GOLM1: variants seen among roughly 807,000 people sequenced by gnomAD.
GOLM1 encodes golgi membrane protein 1.
In GOLM1, 31 loss-of-function variants were observed where a neutral mutation model predicts 50.5. The ratio of observed to expected loss-of-function variants is 0.61; its 90% CI spans 0.46 to 0.83. The LOEUF is 0.83. Ranked by LOEUF, GOLM1 falls within the 40% of genes least tolerant of loss-of-function variation. The probability of loss-of-function intolerance (pLI) is 0.00; values close to 1 mark genes in which losing one functional copy is unlikely to be tolerated. For missense variants in GOLM1, 491 were observed against 501.3 expected, an observed-to-expected ratio of 0.98 and a Z score of 0.20; for synonymous variants, 178 against 192.8, an observed-to-expected ratio of 0.92 and a Z score of 0.64.
At chr9:86,087,756 T>C (rs1236452237) in intron 1 of GOLM1, among the ~76,000 whole-genome samples, 2 of 152,240 alleles carry the variant, frequency 1.3e-5, no homozygotes, top group African/African-American at 2.4e-5. Flanking sequence ...CTAATTCATA[T>C]GTTGAACCAG....
intron 7 of GOLM1, among the ~76,000 whole-genome samples, chr9:86,035,915 T>C (rs1427940011): frequency 6.2e-5 from 9 of 146,030 alleles, no homozygotes. Context: ...CTAAATTACC[T>C]TGACAAGGTA....
chr9:86,091,945 G>A (rs983518672), intron 1 of GOLM1, among the ~76,000 whole-genome samples: 1 of 152,178 alleles, frequency 6.6e-6, no homozygotes, highest in African/African-American at 2.4e-5. Context: ...GCTCAGGGTG[G>A]TATTAAGAGC....
chr9:86,064,229 A>C (rs145867463), intron 3 of GOLM1, among the ~76,000 whole-genome samples: 498 of 152,370 alleles, frequency 3.3e-3, no homozygotes, highest in African/African-American at 0.011. Flanking sequence ...ATAAACCTGT[A>C]TTTGAAGGTT....
Position 86,029,978 on chromosome 9 carries a change from G to A in GOLM1, c.1130-2085C>T, listed in dbSNP as rs1347724780. ...TGTAATCCCAACACTTTGGGAGGCT[G>A]AGGCAGGCAGATCACCTGAGGTCAG... is the stretch of plus-strand genomic sequence containing the variant. On this transcript the variant is annotated intron_variant, in intron 9 of 9. Coordinates refer to ENST00000388712, the MANE Select transcript of GOLM1 (RefSeq NM_016548.4). Among the ~76,000 whole-genome samples the A allele has an allele frequency of 3.3e-5, 5 of 152,298 alleles. No individual in the cohort carries two copies. In the East Asian group the frequency reaches 7.7e-4, roughly 23 times the overall value.
chr9:86,081,572 A>G (rs1834785564), intron 1 of GOLM1, among the ~76,000 whole-genome samples: 1 of 152,148 alleles, frequency 6.6e-6, no homozygotes, highest in African/African-American at 2.4e-5. Context: ...TTTGCTAAGG[A>G]AAAAATAGGA....
chr9:86,054,937 C>A (rs1402554223), intron 3 of GOLM1, among the ~76,000 whole-genome samples: 1 of 152,204 alleles, frequency 6.6e-6, no homozygotes, highest in Admixed American at 6.5e-5. Context: ...ACTTGACATG[C>A]TGCCCATAAC....
intron 3 of GOLM1, among the ~76,000 whole-genome samples, chr9:86,054,112 G>A (rs1220553029): frequency 6.6e-6 from 1 of 152,144 alleles, no homozygotes; most frequent in Admixed American, 6.5e-5. Context: ...AACAGTAGAG[G>A]AGGACAGAAG....
intron 8 of GOLM1, among the ~76,000 whole-genome samples, chr9:86,034,490 C>T (rs946520446): frequency 5.3e-5 from 8 of 152,112 alleles, no homozygotes; most frequent in South Asian, 2.1e-4. Flanking sequence ...GACACTGGAG[C>T]GCCACAGGCT....
intron 5 of GOLM1, among the ~76,000 whole-genome samples, chr9:86,044,894 G>A (rs1175554755): frequency 6.6e-6 from 1 of 151,944 alleles, no homozygotes; most frequent in Admixed American, 6.6e-5. Flanking sequence ...AGAGGTTGCA[G>A]TGAGCTGAGA....
chr9:86,029,092 C>A (rs1345139737), intron 9 of GOLM1, among the ~76,000 whole-genome samples: 2 of 152,022 alleles, frequency 1.3e-5, no homozygotes, highest in African/African-American at 4.8e-5. Flanking sequence ...CTCCTGACCT[C>A]GTGATCCGCC....
chr9:86,077,752 G>C, intron 2 of GOLM1, 161 bp from the exon 3 acceptor site: 1 of 585,364 alleles, frequency 1.7e-6, no homozygotes, highest in Non-Finnish European at 3.0e-6. Context: ...ACAGAAGCTG[G>C]AGCGGTTTCT....
intron 3 of GOLM1, among the ~76,000 whole-genome samples, chr9:86,057,814 G>A (rs1163853769): frequency 1.3e-5 from 2 of 152,204 alleles, no homozygotes; most frequent in African/African-American, 2.4e-5. Flanking sequence ...GCTCTGTCCC[G>A]AGAGGGCCAG....
At chr9:86,035,817 G>A (rs544460033) in intron 7 of GOLM1, among the ~76,000 whole-genome samples, 192 bp from the exon 8 acceptor site, 1 of 143,002 alleles carries the variant, frequency 7.0e-6, no homozygotes, top group African/African-American at 2.7e-5. Context: ...AGGCCTTTCT[G>A]TGCCTGCAGC....
chr9:86,076,334 T>C (rs915057993), intron 3 of GOLM1, among the ~76,000 whole-genome samples: 1 of 140,668 alleles, frequency 7.1e-6, no homozygotes, highest in African/African-American at 2.8e-5. Flanking sequence ...GGCAGGAGAA[T>C]TGCTTGAACC....
chr9:86,074,903 CA>C (rs1416563736), intron 3 of GOLM1, among the ~76,000 whole-genome samples: 1 of 151,856 alleles, frequency 6.6e-6, no homozygotes, highest in Non-Finnish European at 1.5e-5. Flanking sequence ...TTCATGGTTT[CA>C]ATTTGGGAGG....
At chr9:86,081,737 A>G (rs1834790770) in intron 1 of GOLM1, among the ~76,000 whole-genome samples, 1 of 151,558 alleles carries the variant, frequency 6.6e-6, no homozygotes, top group South Asian at 2.1e-4. Context: ...TAAAAATACA[A>G]AAGCAGCCAG....
At chr9:86,042,098 C>A (rs935754718) in intron 5 of GOLM1, among the ~76,000 whole-genome samples, 18 of 152,134 alleles carry the variant, frequency 1.2e-4, no homozygotes, top group Admixed American at 2.0e-4. Flanking sequence ...GCCTGGGCGA[C>A]AGAGCGAGAC....
At position 86,027,457 on chromosome 9, in the gene GOLM1, A is replaced by ATGGAC; in HGVS notation, c.*355_*359dup. 6.7e-6 allele frequency: 7 copies of ATGGAC among 1,042,918 alleles called. No individual in the cohort carries two copies. The highest frequency in any genetic ancestry group is 8.1e-6 in the Non-Finnish European group (7 of 867,196). 64.6% of individuals were successfully genotyped at this position (1,042,918 alleles called of 1,614,324 possible). ...GTTCTCTGTCTCTCCTTCACAGCAG[A>ATGGAC]TGGACTCTTCTATAGGTGGCTGTTA... is the stretch of plus-strand genomic sequence containing the variant. On this transcript the variant is annotated 3_prime_UTR_variant, in exon 10 of 10. Transcript: ENST00000388712.
intron 5 of GOLM1, among the ~76,000 whole-genome samples, chr9:86,042,956 C>T (rs1833407671): frequency 6.6e-6 from 1 of 152,184 alleles, no homozygotes; most frequent in African/African-American, 2.4e-5. Flanking sequence ...AATATTCCAG[C>T]ACTAACTGGA....
Sources: gnomAD v4.1 joint callset for allele counts (sites outside exome capture counted in the v4.1 genomes callset) on GRCh38, gnomAD v4.1.1 for gene constraint, MANE v1.5 for transcripts, NCBI Gene and HGNC (gene_info 2026-07-23, HGNC 2026-07-21) for gene names.